Variants in ANKS1B observed in about 807,000 individuals in gnomAD.
ANKS1B encodes the protein ankyrin repeat and sterile alpha motif domain containing 1B.
ANKS1B carries 36 observed loss-of-function variants against 148.3 expected under a neutral mutation model. The observed-to-expected ratio is 0.24, with a 90% CI of 0.19 to 0.32. The LOEUF (loss-of-function observed/expected upper bound fraction) is 0.32, where lower values mean the gene tolerates loss of function less well. ANKS1B is among the 10% of genes least tolerant of loss of function. The pLI, the probability that ANKS1B is intolerant of heterozygous loss-of-function variation, is 1.00. For missense variants in ANKS1B, 1,157 were observed against 1,542.6 expected, an observed-to-expected ratio of 0.75 and a Z score of 4.19; for synonymous variants, 542 against 560.8, an observed-to-expected ratio of 0.97 and a Z score of 0.47.
chr12:98,863,050 G>A (rs1317688082), intron 17 of ANKS1B, among the ~76,000 whole-genome samples: 2 of 152,116 alleles, frequency 1.3e-5, no homozygotes, highest in Non-Finnish European at 2.9e-5. Flanking sequence ...GCATCACTGG[G>A]GGTTCTCACC....
At chr12:99,753,615 G>A (rs1451816963) in intron 8 of ANKS1B, among the ~76,000 whole-genome samples, 1 of 152,056 alleles carries the variant, frequency 6.6e-6, no homozygotes, top group Non-Finnish European at 1.5e-5. Flanking sequence ...AACTCCCTCA[G>A]CATTTGCTTG....
At chr12:99,728,659 A>C (rs937938859) in intron 8 of ANKS1B, among the ~76,000 whole-genome samples, 13 of 152,180 alleles carry the variant, frequency 8.5e-5, no homozygotes, top group African/African-American at 2.7e-4. Context: ...TTATAAAGAC[A>C]CATGCACACA....
At chr12:99,832,316 G>A (rs1049133752) in intron 1 of ANKS1B, among the ~76,000 whole-genome samples, 4 of 152,146 alleles carry the variant, frequency 2.6e-5, no homozygotes. Context: ...GGTCTGGAAT[G>A]GTGGCTCATG....
intron 9 of ANKS1B, among the ~76,000 whole-genome samples, chr12:99,632,448 T>C (rs999066750): frequency 3.3e-5 from 5 of 151,690 alleles, no homozygotes; most frequent in African/African-American, 9.7e-5. Context: ...AGTGGAGCCA[T>C]AGGAGCAAAA....
chr12:99,369,637 T>C (rs934562162), intron 12 of ANKS1B, among the ~76,000 whole-genome samples: 9 of 152,068 alleles, frequency 5.9e-5, no homozygotes, highest in Non-Finnish European at 1.0e-4. Flanking sequence ...CTCTTTTCTA[T>C]ATGTATACTG....
intron 12 of ANKS1B, among the ~76,000 whole-genome samples, chr12:99,302,723 T>C (rs987303291): frequency 4.6e-5 from 7 of 152,160 alleles, no homozygotes; most frequent in Admixed American, 2.6e-4. Context: ...CATTGTTAAG[T>C]GACATAAAGA....
At chr12:98,800,681 T>C (rs1566660517) in intron 21 of ANKS1B, among the ~76,000 whole-genome samples, 1 of 146,970 alleles carries the variant, frequency 6.8e-6, no homozygotes, top group Non-Finnish European at 1.5e-5. Flanking sequence ...CAGAGATATA[T>C]ATATATATAT....
intron 24 of ANKS1B, among the ~76,000 whole-genome samples, chr12:98,774,765 G>A (rs934363754): frequency 6.6e-6 from 1 of 152,140 alleles, no homozygotes; most frequent in Non-Finnish European, 1.5e-5. Context: ...ACTTTACCAA[G>A]CTGAGTGGTT....
chr12:99,660,363 C>CTTTTTTTTTTTT (rs71088137), intron 8 of ANKS1B, among the ~76,000 whole-genome samples: 25 of 120,556 alleles, frequency 2.1e-4, no homozygotes, highest in East Asian at 4.8e-4. Flanking sequence ...TTTTCTTTTT[C>CTTTTTTTTTTTT]TTTTTTTTTT....
chr12:99,642,568 C>T (rs982122257), intron 9 of ANKS1B, among the ~76,000 whole-genome samples: 1 of 152,096 alleles, frequency 6.6e-6, no homozygotes, highest in Non-Finnish European at 1.5e-5. Flanking sequence ...GTAATTCCAG[C>T]ACTTTGGGAG....
chr12:99,927,803 A>C (rs551125250), intron 1 of ANKS1B, among the ~76,000 whole-genome samples: 5 of 152,154 alleles, frequency 3.3e-5, no homozygotes, highest in Non-Finnish European at 5.9e-5. Context: ...AAAAAGAAGA[A>C]GAAACAAGAA....
intron 12 of ANKS1B, among the ~76,000 whole-genome samples, chr12:99,287,962 A>G (rs1351252046): frequency 6.6e-6 from 1 of 152,208 alleles, no homozygotes; most frequent in African/African-American, 2.4e-5. Flanking sequence ...AATCTTTAAG[A>G]GGAGGTAAAG....
Position 99,291,448 on chromosome 12 carries a change from A to G in ANKS1B, c.1757-44584T>C, listed in dbSNP as rs566574783. Reference sequence around the variant, plus strand: ...TAGGCTAGCCAAAGCCATACAGAGCAAAACAAACAAAACTGGAGGAATCAC... The same window carrying G: ...TAGGCTAGCCAAAGCCATACAGAGCGAAACAAACAAAACTGGAGGAATCAC... On this transcript the variant is annotated intron_variant, in intron 12 of 26. Coordinates refer to ENST00000683438, the MANE Select transcript of ANKS1B (RefSeq NM_001352186.2). Among the ~76,000 whole-genome samples, 18 of 152,314 alleles carry G rather than the reference A, an allele frequency of 1.2e-4. 1 individual carries two copies. Among genetic ancestry groups the G allele is most frequent in the Admixed American group, 9.8e-4 (15 of 15,298 alleles).
chr12:99,028,544 G>A (rs1460599889), intron 17 of ANKS1B, among the ~76,000 whole-genome samples: 1 of 152,186 alleles, frequency 6.6e-6, no homozygotes, highest in African/African-American at 2.4e-5. Flanking sequence ...GCAGAGAGGT[G>A]ATGAGACCAC....
chr12:98,974,276 G>A (rs966964872), intron 17 of ANKS1B, among the ~76,000 whole-genome samples: 7 of 152,176 alleles, frequency 4.6e-5, no homozygotes, highest in Non-Finnish European at 8.8e-5. Flanking sequence ...AAGAACATGA[G>A]TCTTACAGCT....
At chr12:99,658,025 A>AT (rs932477970) in intron 8 of ANKS1B, among the ~76,000 whole-genome samples, 18 of 151,748 alleles carry the variant, frequency 1.2e-4, no homozygotes, top group African/African-American at 2.9e-4. Flanking sequence ...TAGTCAAATG[A>AT]TTTTTTAGCC....
At chr12:98,823,933 G>A (rs529665501) in intron 19 of ANKS1B, among the ~76,000 whole-genome samples, 3 of 152,350 alleles carry the variant, frequency 2.0e-5, no homozygotes, top group African/African-American at 7.2e-5. Flanking sequence ...AAGTATATAA[G>A]AGGAGAAGTT....
In ANKS1B at chr12:99,873,698, G is replaced by A. The variant is rs141630019; in HGVS notation, c.135-48309C>T. Among the ~76,000 whole-genome samples the A allele has an allele frequency of 6.6e-5, 10 of 152,188 alleles. No homozygotes were observed. In the East Asian group the frequency reaches 1.5e-3, roughly 24 times the overall value. ...TTAATTTTATGTGTCAACTGGGCTA[G>A]GCCACAGTACCCAGATATTTGATCA... is the stretch of plus-strand genomic sequence containing the variant. On this transcript the variant is annotated intron_variant, in intron 1 of 26. Transcript: ENST00000683438.
chr12:99,796,684 A>G (rs1012628450), intron 4 of ANKS1B, among the ~76,000 whole-genome samples: 8 of 151,986 alleles, frequency 5.3e-5, no homozygotes, highest in Non-Finnish European at 1.2e-4. Context: ...CATACAACAA[A>G]TAAGATTTTT....
Sources: allele counts gnomAD v4.1 joint callset (sites outside exome capture counted in the v4.1 genomes callset), GRCh38; gene constraint gnomAD v4.1.1; transcripts MANE v1.5; gene names NCBI Gene and HGNC (gene_info 2026-07-23, HGNC 2026-07-21).